The following CCDC3 variants were observed in gnomAD, a reference collection of about 807,000 sequenced individuals.
CCDC3 encodes coiled-coil domain-containing protein 3.
In CCDC3, 24 loss-of-function variants were observed where a neutral mutation model predicts 21.4. The ratio of observed to expected loss-of-function variants is 1.12; its 90% CI spans 0.81 to 1.58. The LOEUF (loss-of-function observed/expected upper bound fraction) is 1.58, where lower values mean the gene tolerates loss of function less well. Ranked by LOEUF, CCDC3 falls within the 40% of genes most tolerant of loss-of-function variation. The pLI, the probability that CCDC3 is intolerant of heterozygous loss-of-function variation, is 0.00. For synonymous variants in CCDC3, 186 were observed against 166.0 expected (o/e 1.12, Z -0.93); for missense variants, 425 against 360.9 (o/e 1.18, Z -1.44).
intron 4 of CCDC3, among the ~76,000 whole-genome samples, chr10:13,050,457 T>TTC (rs1491245938): frequency 6.8e-5 from 1 of 14,788 alleles, no homozygotes; most frequent in African/African-American, 3.2e-4. Flanking sequence ...TTATTTATTC[T>TTC]TTTTTTTTTT....
chr10:13,088,986 G>A lies in CCDC3; in HGVS notation c.-503+9539C>T, dbSNP rs531137052. 2.6e-5 allele frequency among the ~76,000 whole-genome samples: 4 copies of A among 151,550 alleles called. No individual in the cohort carries two copies. In the East Asian group the frequency reaches 5.8e-4, roughly 22 times the overall value. ...GATCGTGCCACTGCACTCCAGCCTGGGTGACAGAGTGAGACTGTCTCAAAA... is the reference window on the plus strand; with the variant it reads ...GATCGTGCCACTGCACTCCAGCCTGAGTGACAGAGTGAGACTGTCTCAAAA... On this transcript the variant is annotated intron_variant, in intron 3 of 6. Transcript: ENST00000378839.
chr10:13,095,334 C>T (rs1056559006), intron 3 of CCDC3, among the ~76,000 whole-genome samples: 1 of 152,064 alleles, frequency 6.6e-6, no homozygotes, highest in African/African-American at 2.4e-5. Flanking sequence ...CACCAGTGGC[C>T]TCACAGGAGC....
intron 2 of CCDC3, among the ~76,000 whole-genome samples, chr10:12,972,177 C>T (rs1041611359): frequency 3.9e-5 from 6 of 152,288 alleles, no homozygotes; most frequent in East Asian, 1.9e-4. Flanking sequence ...CGCACCCACA[C>T]ATGCCCTTAA....
At chr10:13,034,900 C>T (rs1836358370) in intron 5 of CCDC3, among the ~76,000 whole-genome samples, 1 of 152,064 alleles carries the variant, frequency 6.6e-6, no homozygotes, top group Admixed American at 6.5e-5. Flanking sequence ...TTGGCGGATG[C>T]CTGTAATCCC....
At chr10:12,988,549 G>A (rs925460168) in intron 2 of CCDC3, among the ~76,000 whole-genome samples, 3 of 152,064 alleles carry the variant, frequency 2.0e-5, no homozygotes, top group Non-Finnish European at 4.4e-5. Flanking sequence ...TCACCATGTT[G>A]GCTAAGCTGG....
Position 12,992,365 on chromosome 10 carries a change from G to A in CCDC3, c.549+5973C>T, listed in dbSNP as rs140820975. Among the ~76,000 whole-genome samples the A allele has an allele frequency of 1.5e-3, 233 of 152,054 alleles. 2 individuals carry two copies. Among genetic ancestry groups the A allele is most frequent in the East Asian group, 8.7e-3 (45 of 5,154 alleles). ...GATTGCGCCACTGCACTCCAGCCTG[G>A]GCAGCAGACCAAGACTCCATCTCAA... On this transcript the variant is annotated intron_variant, in intron 2 of 2. Coordinates refer to ENST00000378825, the MANE Select transcript of CCDC3 (RefSeq NM_031455.4).
At chr10:13,023,548 C>A (rs1836175303) in intron 5 of CCDC3, among the ~76,000 whole-genome samples, 1 of 152,154 alleles carries the variant, frequency 6.6e-6, no homozygotes, top group African/African-American at 2.4e-5. Flanking sequence ...TCCAGTCACA[C>A]CACTCTTGCT....
intron 2 of CCDC3, 121 bp downstream of exon 2, chr10:12,998,217 C>A (rs954999699): frequency 9.3e-7 from 1 of 1,078,604 alleles, no homozygotes; most frequent in Non-Finnish European, 1.3e-6. Flanking sequence ...AGAGGGCATA[C>A]GCTAATACTC....
intron 2 of CCDC3, among the ~76,000 whole-genome samples, chr10:12,967,389 G>A (rs952725097): frequency 2.0e-5 from 3 of 152,118 alleles, no homozygotes; most frequent in Non-Finnish European, 4.4e-5. Flanking sequence ...ATTATTTTAT[G>A]TTCAATGAAC....
chr10:12,913,642 C>CATCT (rs1337548596), intron 2 of CCDC3, among the ~76,000 whole-genome samples: 1 of 152,222 alleles, frequency 6.6e-6, no homozygotes, highest in Non-Finnish European at 1.5e-5. Context: ...TAAGAGTGAA[C>CATCT]ATCTTTGTCT....
Position 12,898,381 on chromosome 10 carries a change from G to C in CCDC3, c.*35C>G. 6.4e-7 allele frequency: 1 copy of C among 1,552,146 alleles called. No homozygotes were observed. Among genetic ancestry groups the C allele is most frequent in the Non-Finnish European group, 8.7e-7 (1 of 1,149,916 alleles). On this transcript the variant is annotated 3_prime_UTR_variant, in exon 3 of 3. Coordinates refer to ENST00000378825, the MANE Select transcript of CCDC3 (RefSeq NM_031455.4). Reference sequence around the variant, plus strand: ...CTCACTCATTCTCAATTACCGTCAGGATTGGCCCTGCACACCTGGCAGCCC... The same window carrying C: ...CTCACTCATTCTCAATTACCGTCAGCATTGGCCCTGCACACCTGGCAGCCC...
intron 2 of CCDC3, among the ~76,000 whole-genome samples, chr10:12,991,853 C>G (rs1454518156): frequency 3.3e-5 from 5 of 152,164 alleles, no homozygotes; most frequent in Non-Finnish European, 5.9e-5. Context: ...AATCATGGAG[C>G]TGTGCAGCAA....
Position 12,986,113 on chromosome 10 carries a change from CAT to C in CCDC3, c.549+12223_549+12224del, listed in dbSNP as rs1316187803. Among the ~76,000 whole-genome samples, 3 of 152,182 alleles carry C rather than the reference CAT, an allele frequency of 2.0e-5. No individual in the cohort carries two copies. In the East Asian group the frequency reaches 5.8e-4, roughly 29 times the overall value. ...ACCGTGCCTGGCCTCGAGTTTTACA[CAT>C]GTACATAAATGACTGCCTGTGTAAC... On this transcript the variant is annotated intron_variant, in intron 2 of 2. Transcript: ENST00000378825.
rs1391791932 is a variant in CCDC3 at position 12,983,105 on chromosome 10, AAAAT to A, written c.549+15229_549+15232del. Among the ~76,000 whole-genome samples, 12 of 143,462 alleles carry A rather than the reference AAAAT, an allele frequency of 8.4e-5. 1 individual carries two copies. The highest frequency in any genetic ancestry group is 2.6e-4 in the African/African-American group (10 of 38,904). The allele number at this position is 143,462 out of a possible 152,430, so 94.1% of individuals were successfully genotyped here. ...CCACCCTGGGTGATGGCTGTCTCAA[AAAAT>A]AAATAAATAAATAAAATAGTGTATA... On this transcript the variant is annotated intron_variant, in intron 2 of 2. Transcript: ENST00000378825.
At chr10:12,942,136 T>A (rs559699278) in intron 2 of CCDC3, among the ~76,000 whole-genome samples, 2 of 152,308 alleles carry the variant, frequency 1.3e-5, no homozygotes, top group South Asian at 4.1e-4. Context: ...CATGGAAATT[T>A]TAAGGGAGAT....
rs531989058 is a variant in CCDC3, at chr10:12,898,576, C to A, written c.653G>T (p.Arg218Leu). Residue 218 changes from arginine to leucine, a missense_variant, in exon 3 of 3, where the codon CGG becomes CTG. By Grantham distance (102) the Arg-to-Leu change is moderately radical. Transcript: ENST00000378825. ...CCTCTTGACCTTCTTCACTCGCTCC[C>A]GGAGCTGCCGGTTGCGCTTCTCCAG... ...ATLEKRNRQL[R>L]ERVKKVKRSL... is the part of the protein sequence containing the mutation. The A allele has an allele frequency of 1.9e-6, 3 of 1,614,238 alleles. No homozygotes were observed. Among genetic ancestry groups the A allele is most frequent in the Admixed American group, 1.7e-5 (1 of 60,032 alleles).
intron 2 of CCDC3, among the ~76,000 whole-genome samples, chr10:12,938,655 T>C (rs1589014091): frequency 6.6e-6 from 1 of 152,330 alleles, no homozygotes; most frequent in African/African-American, 2.4e-5. Context: ...TACAGAACAC[T>C]GCTTGGCACA....
At chr10:12,983,128 G>GTATATATATATATATA (rs775314375) in intron 2 of CCDC3, among the ~76,000 whole-genome samples, 6 of 117,844 alleles carry the variant, frequency 5.1e-5, no homozygotes, top group African/African-American at 1.3e-4. Flanking sequence ...AAATAAAATA[G>GTATATATATATATATA]TGTATATATA....
intron 5 of CCDC3, among the ~76,000 whole-genome samples, chr10:13,021,523 T>C (rs1488726182): frequency 6.6e-6 from 1 of 152,264 alleles, no homozygotes; most frequent in African/African-American, 2.4e-5. Flanking sequence ...AAATCTATTC[T>C]GCCCAGAGGT....
Sources: gnomAD v4.1 joint callset for allele counts (sites outside exome capture counted in the v4.1 genomes callset) on GRCh38, gnomAD v4.1.1 for gene constraint, MANE v1.5 for transcripts, NCBI Gene and HGNC (gene_info 2026-07-23, HGNC 2026-07-21) for gene names.